Variants in PTPRD observed in about 807,000 individuals in gnomAD.
The protein encoded by PTPRD is receptor-type tyrosine-protein phosphatase delta.
In PTPRD, 34 loss-of-function variants were observed where a neutral mutation model predicts 214.5. That is an observed-to-expected ratio of 0.16 (90% confidence interval 0.12 to 0.21). The LOEUF (loss-of-function observed/expected upper bound fraction) is 0.21, where lower values mean the gene tolerates loss of function less well. Ranked by LOEUF, PTPRD falls within the 10% of genes least tolerant of loss-of-function variation. The probability of loss-of-function intolerance (pLI) is 1.00; values close to 1 mark genes in which losing one functional copy is unlikely to be tolerated. For missense variants in PTPRD, 2,545 were observed against 2,398.7 expected, an observed-to-expected ratio of 1.06 and a Z score of -1.27; for synonymous variants, 1,128 against 845.7, an observed-to-expected ratio of 1.33 and a Z score of -5.79.
intron 14 of PTPRD, among the ~76,000 whole-genome samples, chr9:8,562,597 T>C (rs2154212423): frequency 6.6e-6 from 1 of 152,072 alleles, no homozygotes; most frequent in South Asian, 2.1e-4. Flanking sequence ...CTGCCACGCC[T>C]GGCTAATTTT....
chr9:9,489,082 T>C (rs2095789493), intron 8 of PTPRD, among the ~76,000 whole-genome samples: 1 of 152,296 alleles, frequency 6.6e-6, no homozygotes. Context: ...TCCATTTTTC[T>C]CTTTTAAAAG....
At chr9:8,321,841 A>C (rs1047645583) in intron 44 of PTPRD, among the ~76,000 whole-genome samples, 2 of 151,800 alleles carry the variant, frequency 1.3e-5, no homozygotes, top group Admixed American at 6.6e-5. Context: ...TACTTTATGG[A>C]GTTTTGCAGA....
rs771126553 is a variant in PTPRD, at chr9:10,060,893, C to T, written c.-544-27103G>A. ...CTTTCCTTCCTTCCTTCCTTCCTTC[C>T]TTCCTTCTTTCTTTCTTTCTTTCTT... On this transcript the variant is annotated intron_variant, in intron 3 of 45. Transcript: ENST00000381196. Among the ~76,000 whole-genome samples the T allele has an allele frequency of 2.9e-4, 23 of 79,256 alleles. 1 individual carries two copies. Among genetic ancestry groups the T allele is most frequent in the African/African-American group, 2.3e-3 (12 of 5,228 alleles). 52.0% of individuals were successfully genotyped at this position (79,256 alleles called of 152,430 possible).
intron 10 of PTPRD, among the ~76,000 whole-genome samples, chr9:9,094,665 C>G (rs1462977815): frequency 6.6e-6 from 1 of 152,066 alleles, no homozygotes; most frequent in Admixed American, 6.6e-5. Flanking sequence ...ACACCAAAAA[C>G]TATTGGAATA....
chr9:9,329,871 G>A (rs1052934143), intron 9 of PTPRD, among the ~76,000 whole-genome samples: 1 of 152,150 alleles, frequency 6.6e-6, no homozygotes, highest in Non-Finnish European at 1.5e-5. Context: ...AATCATTCAT[G>A]TTCTACATAA....
chr9:9,494,013 C>A (rs1377647433), intron 8 of PTPRD, among the ~76,000 whole-genome samples: 1 of 152,078 alleles, frequency 6.6e-6, no homozygotes, highest in South Asian at 2.1e-4. Context: ...TATTCCAATC[C>A]TCATGAATGG....
chr9:9,285,866 A>G (rs746418436), intron 9 of PTPRD, among the ~76,000 whole-genome samples: 25 of 151,748 alleles, frequency 1.6e-4, no homozygotes, highest in Non-Finnish European at 2.9e-4. Flanking sequence ...CTCTATATCT[A>G]TCTATATCTG....
intron 11 of PTPRD, among the ~76,000 whole-genome samples, chr9:8,812,744 G>T (rs902668139): frequency 6.6e-6 from 1 of 151,648 alleles, no homozygotes; most frequent in Non-Finnish European, 1.5e-5. Context: ...GGGCTTGAAG[G>T]CTAATAAAAT....
chr9:9,887,970 G>A (rs1276445618), intron 5 of PTPRD, among the ~76,000 whole-genome samples: 4 of 152,224 alleles, frequency 2.6e-5, no homozygotes, highest in South Asian at 2.1e-4. Flanking sequence ...TTCAGAAAAT[G>A]GTAAATGCCG....
At chr9:8,517,349 G>A (rs890380395) in intron 21 of PTPRD, among the ~76,000 whole-genome samples, 4 of 152,140 alleles carry the variant, frequency 2.6e-5, no homozygotes, top group Non-Finnish European at 5.9e-5. Flanking sequence ...AGGCCATACA[G>A]AGAAAAACAG....
intron 2 of PTPRD, among the ~76,000 whole-genome samples, chr9:10,543,692 G>A (rs543939875): frequency 6.6e-6 from 1 of 152,308 alleles, no homozygotes; most frequent in Admixed American, 6.5e-5. Flanking sequence ...TAAACTCTAA[G>A]CTTTTGCAAC....
chr9:9,323,155 C>G (rs1054389476), intron 9 of PTPRD, among the ~76,000 whole-genome samples: 3 of 151,922 alleles, frequency 2.0e-5, no homozygotes, highest in Non-Finnish European at 2.9e-5. Flanking sequence ...TATTATAGAG[C>G]AAGATTTGAA....
intron 3 of PTPRD, among the ~76,000 whole-genome samples, chr9:10,072,762 G>A (rs114564107): frequency 0.013 from 1,930 of 152,162 alleles, 35 homozygotes; most frequent in African/African-American, 0.042. Context: ...ACTGATTGGT[G>A]CACTTTGGAA....
intron 6 of PTPRD, among the ~76,000 whole-genome samples, chr9:9,740,883 G>T (rs750690469): frequency 3.3e-5 from 5 of 152,122 alleles, no homozygotes; most frequent in Non-Finnish European, 7.4e-5. Flanking sequence ...ATTCTAAACA[G>T]AGAAAATACC....
chr9:8,539,505 T>A (rs1205177091), intron 14 of PTPRD, among the ~76,000 whole-genome samples: 1 of 151,834 alleles, frequency 6.6e-6, no homozygotes, highest in Non-Finnish European at 1.5e-5. Flanking sequence ...TAACTATTTT[T>A]AAAATAATAA....
chr9:10,155,302 T>A (rs548957648), intron 3 of PTPRD, among the ~76,000 whole-genome samples: 23 of 152,222 alleles, frequency 1.5e-4, no homozygotes, highest in African/African-American at 5.5e-4. Flanking sequence ...TGGTTTTATA[T>A]CATGAGACTT....
intron 6 of PTPRD, among the ~76,000 whole-genome samples, chr9:9,747,219 C>G (rs2098466773): frequency 6.7e-6 from 1 of 150,078 alleles, no homozygotes; most frequent in Non-Finnish European, 1.5e-5. Context: ...AGCAGACCAC[C>G]TGGGGATGCA....
chr9:8,673,597 T>C (rs2097333779), intron 12 of PTPRD, among the ~76,000 whole-genome samples: 1 of 152,228 alleles, frequency 6.6e-6, no homozygotes, highest in Admixed American at 6.5e-5. Flanking sequence ...ATTCCATTTT[T>C]AATTCTCCTT....
intron 11 of PTPRD, among the ~76,000 whole-genome samples, chr9:8,874,179 A>G (rs1453171380): frequency 1.3e-5 from 2 of 152,192 alleles, no homozygotes; most frequent in Admixed American, 6.6e-5. Flanking sequence ...CCCACATTTA[A>G]CGGTAATGAA....
Sources: allele counts gnomAD v4.1 joint callset (sites outside exome capture counted in the v4.1 genomes callset), GRCh38; gene constraint gnomAD v4.1.1; transcripts MANE v1.5; gene names NCBI Gene and HGNC (gene_info 2026-07-23, HGNC 2026-07-21).